SMCHD1: variants seen among roughly 807,000 people sequenced by gnomAD.
SMCHD1 encodes structural maintenance of chromosomes flexible hinge domain containing 1.
A neutral mutation model predicts 254.7 loss-of-function variants in SMCHD1; 78 were observed. The ratio of observed to expected loss-of-function variants is 0.31; its 90% CI spans 0.26 to 0.37. The LOEUF (loss-of-function observed/expected upper bound fraction) is 0.37. SMCHD1 is among the 10% of genes least tolerant of loss of function. The probability of loss-of-function intolerance (pLI) is 1.00; values close to 1 mark genes in which losing one functional copy is unlikely to be tolerated. For missense variants in SMCHD1, 1,840 were observed against 2,408.1 expected, an observed-to-expected ratio of 0.76 and a Z score of 4.94; for synonymous variants, 766 against 794.9, an observed-to-expected ratio of 0.96 and a Z score of 0.61.
chr18:2,771,679 A>G (rs980643268), intron 40 of SMCHD1, 61 bp downstream of exon 40: 6 of 1,306,586 alleles, frequency 4.6e-6, no homozygotes, highest in East Asian at 2.7e-5. Flanking sequence ...AATTTTCTCA[A>G]TTATTCAGTT....
At chr18:2,777,690 G>T in intron 42 of SMCHD1, 116 bp from the exon 43 acceptor site, 1 of 563,268 alleles carries the variant, frequency 1.8e-6, no homozygotes, top group Non-Finnish European at 3.2e-6. Flanking sequence ...TGGTGGATTG[G>T]GAATTGATTG....
At position 2,752,625 on chromosome 18, in the gene SMCHD1, G is replaced by A. The variant is rs1004336439; in HGVS notation, c.4346+73G>A. ...GTAATTCAACCCTGGAGATATATGTGGGCTCACCTGAGGAAAAGTAATTTA... is the reference window on the plus strand; with the variant it reads ...GTAATTCAACCCTGGAGATATATGTAGGCTCACCTGAGGAAAAGTAATTTA... On this transcript the variant is annotated intron_variant, in intron 34 of 47. Transcript: ENST00000320876. 45 of 919,120 alleles carry A rather than the reference G, an allele frequency of 4.9e-5. No homozygotes were observed. The Middle Eastern group carries it at 1.2e-3, about 24-fold the overall frequency. 56.9% of individuals were successfully genotyped at this position (919,120 alleles called of 1,614,324 possible).
Position 2,655,972 on chromosome 18 carries a change from C to T in SMCHD1, c.-104C>T. ...GCTGCAGCGCGCCGGGCCGAGGCCT[C>T]GAGCCGCCCCGGGAGCTGGAGCTGA... On this transcript the variant is annotated 5_prime_UTR_variant, in exon 1 of 48. Coordinates refer to ENST00000320876, the MANE Select transcript of SMCHD1 (RefSeq NM_015295.3). 9.9e-7 allele frequency: 1 copy of T among 1,006,974 alleles called. No individual in the cohort carries two copies. Among genetic ancestry groups the T allele is most frequent in the Non-Finnish European group, 1.3e-6 (1 of 782,562 alleles). 62.4% of individuals were successfully genotyped at this position (1,006,974 alleles called of 1,614,324 possible).
At position 2,753,688 on chromosome 18, in the gene SMCHD1, T is replaced by A. The variant is rs147592805; in HGVS notation, c.4346+1136T>A. ...TCCCAAGTAGCTAGGACTACAGGAA[T>A]GTGCTGCCATGCCCAGCAAATTTAT... On this transcript the variant is annotated intron_variant, in intron 34 of 47. Transcript: ENST00000320876. Among the ~76,000 whole-genome samples the A allele has an allele frequency of 5.8e-3, 883 of 152,244 alleles. 14 individuals are homozygous for A. The highest frequency in any genetic ancestry group is 0.02 in the African/African-American group (840 of 41,544).
chr18:2,690,274 A>G (rs1176696151), intron 7 of SMCHD1, among the ~76,000 whole-genome samples: 3 of 152,154 alleles, frequency 2.0e-5, no homozygotes, highest in African/African-American at 7.2e-5. Context: ...TTGATACACA[A>G]TGGTTTTTAG....
chr18:2,776,016 ACCT>A, intron 42 of SMCHD1, 92 bp downstream of exon 42: 1 of 1,125,458 alleles, frequency 8.9e-7, no homozygotes, highest in East Asian at 2.8e-5. Context: ...TCTAAAAGAT[ACCT>A]AAAACAGAGA....
chr18:2,716,961 C>T (rs1457331216), intron 17 of SMCHD1, among the ~76,000 whole-genome samples: 1 of 152,200 alleles, frequency 6.6e-6, no homozygotes, highest in Non-Finnish European at 1.5e-5. Flanking sequence ...AATTCTCATA[C>T]CCATGGCTGG....
intron 5 of SMCHD1, among the ~76,000 whole-genome samples, chr18:2,674,586 A>G (rs989910416): frequency 3.9e-5 from 6 of 152,222 alleles, no homozygotes; most frequent in African/African-American, 1.4e-4. Context: ...GTGGAGTTAT[A>G]TATCAGAATG....
chr18:2,789,259 T>C (rs1025956442), intron 45 of SMCHD1, among the ~76,000 whole-genome samples: 10 of 151,920 alleles, frequency 6.6e-5, no homozygotes, highest in African/African-American at 2.4e-4. Context: ...TTAGCTGGTC[T>C]CAAACTCCTG....
At chr18:2,760,460 G>T (rs1377766090) in intron 34 of SMCHD1, 192 bp from the exon 35 acceptor site, 1 of 433,494 alleles carries the variant, frequency 2.3e-6, no homozygotes, top group Non-Finnish European at 4.2e-6. Flanking sequence ...TTTTGTAAAA[G>T]AATGTACAGG....
Position 2,754,671 on chromosome 18 carries a change from A to G in SMCHD1, c.4346+2119A>G, listed in dbSNP as rs116742125. Among the ~76,000 whole-genome samples the G allele has an allele frequency of 5.5e-3, 833 of 152,302 alleles. 6 individuals carry two copies. Among genetic ancestry groups the G allele is most frequent in the African/African-American group, 0.019 (771 of 41,560 alleles). On this transcript the variant is annotated intron_variant, in intron 34 of 47. Coordinates refer to ENST00000320876, the MANE Select transcript of SMCHD1 (RefSeq NM_015295.3). ...CCATATTAGTGCAGTGGTTTAGGCA[A>G]TGTGAGCCACTCATATCAGTTAAAG...
chr18:2,789,133 C>A (rs1215468194), intron 45 of SMCHD1, among the ~76,000 whole-genome samples: 1 of 152,144 alleles, frequency 6.6e-6, no homozygotes, highest in Non-Finnish European at 1.5e-5. Context: ...GTGATCCTCC[C>A]ACCTTAGCCT....
chr18:2,704,005 C>T (rs926651978), intron 13 of SMCHD1, 119 bp downstream of exon 13: 6 of 730,538 alleles, frequency 8.2e-6, no homozygotes, highest in Admixed American at 3.7e-5. Flanking sequence ...TTCCCATTCT[C>T]ACATTTCATG....
chr18:2,790,539 C>A (rs2076303152), intron 45 of SMCHD1, among the ~76,000 whole-genome samples: 1 of 152,062 alleles, frequency 6.6e-6, no homozygotes, highest in South Asian at 2.1e-4. Context: ...GTGGGTGGAT[C>A]ACCTGAGGTC....
Position 2,662,174 on chromosome 18 carries a change from A to T in SMCHD1, c.187-3983A>T, listed in dbSNP as rs1389299124. Among the ~76,000 whole-genome samples the T allele has an allele frequency of 2.0e-4, 18 of 90,436 alleles. 2 individuals carry two copies. The highest frequency in any genetic ancestry group is 3.0e-4 in the Admixed American group (3 of 9,970). 59.3% of individuals were successfully genotyped at this position (90,436 alleles called of 152,430 possible). On this transcript the variant is annotated intron_variant, in intron 1 of 47. Coordinates refer to ENST00000320876, the MANE Select transcript of SMCHD1 (RefSeq NM_015295.3). Reference sequence around the variant, plus strand: ...GAGCGAGACTCCGTCTCAAAAAAAAAAAAATAAAATAAATAAATAAATAAA... The same window carrying T: ...GAGCGAGACTCCGTCTCAAAAAAAATAAAATAAAATAAATAAATAAATAAA...
chr18:2,694,922 G>C (rs1042868402), intron 8 of SMCHD1, among the ~76,000 whole-genome samples: 4 of 152,096 alleles, frequency 2.6e-5, no homozygotes, highest in African/African-American at 9.7e-5. Flanking sequence ...TGAGGCACAG[G>C]ATTTTGACAA....
rs1946416452 is a variant in SMCHD1, at chr18:2,722,715, ACT to A, written c.2603+55_2603+56del. On this transcript the variant is annotated intron_variant, in intron 20 of 47. Coordinates refer to ENST00000320876, the MANE Select transcript of SMCHD1 (RefSeq NM_015295.3). The stretch of plus-strand genomic sequence containing the variant: ...GTCCTTTGATATTTGCTAAGCATTT[ACT>A]CTTTTTTTCAGCTTCATTTTTTTTG... 11 of 1,486,616 alleles carry A rather than the reference ACT, an allele frequency of 7.4e-6. No homozygotes were observed. The South Asian group carries it at 1.5e-4, about 21-fold the overall frequency. The allele number at this position is 1,486,616 out of a possible 1,614,324, so 92.1% of individuals were successfully genotyped here.
At position 2,789,977 on chromosome 18, in the gene SMCHD1, A is replaced by AT. The variant is rs373596574; in HGVS notation, c.5719+5358dup. 1.5e-3 allele frequency among the ~76,000 whole-genome samples: 227 copies of AT among 152,100 alleles called. 1 individual carries two copies. The highest frequency in any genetic ancestry group is 5.4e-3 in the African/African-American group (223 of 41,496). ...GGCGGGTGGATCACGAGGTCAGGAG[A>AT]TTGAGACCAGCCTGGCCAACGTGGT... On this transcript the variant is annotated intron_variant, in intron 45 of 47. Coordinates refer to ENST00000320876, the MANE Select transcript of SMCHD1 (RefSeq NM_015295.3).
At chr18:2,727,931 GA>G (rs1266342769) in intron 22 of SMCHD1, among the ~76,000 whole-genome samples, 1 of 152,004 alleles carries the variant, frequency 6.6e-6, no homozygotes, top group Non-Finnish European at 1.5e-5. Flanking sequence ...GCTTACTGTA[GA>G]AGTATAAGCC....
Sources: gnomAD v4.1 joint callset for allele counts (sites outside exome capture counted in the v4.1 genomes callset) on GRCh38, gnomAD v4.1.1 for gene constraint, MANE v1.5 for transcripts, NCBI Gene and HGNC (gene_info 2026-07-23, HGNC 2026-07-21) for gene names.